The following MEIS2 variants were observed in gnomAD, a reference collection of about 807,000 sequenced individuals.
MEIS2 encodes homeobox protein Meis2.
Under a neutral mutation model 58.6 loss-of-function variants are expected in MEIS2, and 9 were observed. The ratio of observed to expected loss-of-function variants is 0.15; its 90% CI spans 0.09 to 0.27. The LOEUF is 0.27. Ranked by LOEUF, MEIS2 falls within the 10% of genes least tolerant of loss-of-function variation. The pLI is 1.00. For missense variants in MEIS2, 427 were observed against 635.0 expected, an observed-to-expected ratio of 0.67 and a Z score of 3.52; for synonymous variants, 221 against 228.4, an observed-to-expected ratio of 0.97 and a Z score of 0.29.
At chr15:37,041,463 A>G (rs1277634742) in intron 7 of MEIS2, among the ~76,000 whole-genome samples, 1 of 152,180 alleles carries the variant, frequency 6.6e-6, no homozygotes, top group Non-Finnish European at 1.5e-5. Context: ...ATTTACACCT[A>G]TGCTCTCAAG....
chr15:37,098,036 T>A lies in MEIS2; in HGVS notation c.176A>T (p.Asn59Ile). 1 of 1,612,934 alleles carries A rather than the reference T, an allele frequency of 6.2e-7. No homozygotes were observed. Among genetic ancestry groups the A allele is most frequent in the Non-Finnish European group, 8.5e-7 (1 of 1,179,376 alleles). ...QHYGAHAPHPNVMPASMGSAV... is the reference protein window; with the variant it reads ...QHYGAHAPHPIVMPASMGSAV... Reference sequence around the variant, plus strand: ...GGATCCCATACTGGCCGGCATGACATTGGGGTGCGGGGCGTGCGCGCCGTA... The same window carrying A: ...GGATCCCATACTGGCCGGCATGACAATGGGGTGCGGGGCGTGCGCGCCGTA... The change falls in exon 2 of 12, where the codon AAT (asparagine) becomes ATT (isoleucine). Residue 59 changes from asparagine (N) to isoleucine (I), a missense_variant. Transcript: ENST00000561208.
intron 1 of MEIS2, 78 bp downstream of exon 1, chr15:37,099,377 A>G (rs1018525098): frequency 1.4e-5 from 23 of 1,591,412 alleles, no homozygotes; most frequent in Middle Eastern, 3.4e-4. Context: ...AGAAGCGTTG[A>G]AGGGAGAGGA....
intron 6 of MEIS2, 100 bp from the exon 7 acceptor site, chr15:37,083,985 A>G: frequency 1.1e-6 from 1 of 946,834 alleles, no homozygotes; most frequent in Non-Finnish European, 1.7e-6. Flanking sequence ...AAATGTATAC[A>G]TATTAGTATT....
chr15:36,938,608 C>T (rs1042343408), intron 9 of MEIS2, among the ~76,000 whole-genome samples: 1 of 152,210 alleles, frequency 6.6e-6, no homozygotes, highest in Non-Finnish European at 1.5e-5. Flanking sequence ...CTATCATCTA[C>T]CACGACTGGC....
At chr15:36,958,114 G>C (rs2059051809) in intron 8 of MEIS2, among the ~76,000 whole-genome samples, 2 of 152,094 alleles carry the variant, frequency 1.3e-5, no homozygotes, top group South Asian at 4.1e-4. Context: ...TATAATAATA[G>C]CCTCCTATAG....
Position 36,910,310 on chromosome 15 carries a change from C to T in MEIS2, c.978-13624G>A, listed in dbSNP as rs907545943. On this transcript the variant is annotated intron_variant, in intron 9 of 11. Coordinates refer to ENST00000561208, the MANE Select transcript of MEIS2 (RefSeq NM_170675.5). ...GAGGAACTCTAGTCAATAGGTATTT[C>T]CCCAGAATAGGGGCCTAGGTCAAAA... Among the ~76,000 whole-genome samples the T allele has an allele frequency of 2.0e-5, 3 of 152,104 alleles. No homozygotes were observed. The South Asian group carries it at 6.2e-4, about 32-fold the overall frequency.
At position 37,098,414 on chromosome 15, in the gene MEIS2, GA is replaced by G. The variant is rs1433756303; in HGVS notation, c.13-216del. The G allele has an allele frequency of 3.5e-6, 4 of 1,158,842 alleles. No homozygotes were observed. The African/African-American group carries it at 6.3e-5, about 18-fold the overall frequency. 71.8% of individuals were successfully genotyped at this position (1,158,842 alleles called of 1,614,324 possible). ...AGAGAGAGAGAGAGAGAGAGAGAGA[GA>G]GAGAGAGAGAAAATAAAAATAAAAA... On this transcript the variant is annotated intron_variant, in intron 1 of 11. Coordinates refer to ENST00000561208, the MANE Select transcript of MEIS2 (RefSeq NM_170675.5).
At chr15:37,059,058 T>C (rs1888834656) in intron 7 of MEIS2, among the ~76,000 whole-genome samples, 1 of 152,242 alleles carries the variant, frequency 6.6e-6, no homozygotes. Flanking sequence ...CTACATAGTT[T>C]ATGACAAGGT....
intron 7 of MEIS2, among the ~76,000 whole-genome samples, chr15:37,063,445 T>G (rs1312792982): frequency 1.3e-5 from 2 of 152,200 alleles, no homozygotes; most frequent in Admixed American, 1.3e-4. Flanking sequence ...GCCCCACCAC[T>G]TTCTAGATAT....
At chr15:36,913,087 A>G (rs980987857) in intron 9 of MEIS2, among the ~76,000 whole-genome samples, 3 of 152,202 alleles carry the variant, frequency 2.0e-5, no homozygotes, top group Non-Finnish European at 4.4e-5. Context: ...TTTAAATTCT[A>G]AGGCAGAACT....
intron 7 of MEIS2, among the ~76,000 whole-genome samples, chr15:37,065,149 A>G (rs1199445872): frequency 6.6e-6 from 1 of 152,188 alleles, no homozygotes; most frequent in Admixed American, 6.5e-5. Context: ...AAAGTGCATA[A>G]TGTAAATTCT....
chr15:36,955,497 T>C (rs776064071), intron 8 of MEIS2, among the ~76,000 whole-genome samples: 2 of 152,228 alleles, frequency 1.3e-5, no homozygotes, highest in Non-Finnish European at 2.9e-5. Context: ...CTTTGTTACT[T>C]TAAACAAGAC....
intron 7 of MEIS2, among the ~76,000 whole-genome samples, chr15:37,043,896 C>T (rs1440916278): frequency 6.6e-6 from 1 of 152,050 alleles, no homozygotes; most frequent in African/African-American, 2.4e-5. Context: ...CCATGTTGGC[C>T]AGGATGGTCT....
intron 9 of MEIS2, among the ~76,000 whole-genome samples, chr15:36,917,756 A>G (rs529027775): frequency 5.9e-5 from 9 of 152,334 alleles, no homozygotes; most frequent in African/African-American, 2.2e-4. Flanking sequence ...AGGGTCAATG[A>G]CAGAGGGAAG....
chr15:36,991,772 TTTTTTTTTTTC>T (rs2060289820), intron 8 of MEIS2, among the ~76,000 whole-genome samples: 3 of 112,220 alleles, frequency 2.7e-5, no homozygotes, highest in African/African-American at 6.6e-5. Flanking sequence ...GTTAATTTTC[TTTTTTTTTTTC>T]TTTTTTTTTT....
At chr15:36,923,383 A>G (rs1441738536) in intron 9 of MEIS2, among the ~76,000 whole-genome samples, 1 of 151,496 alleles carries the variant, frequency 6.6e-6, no homozygotes, top group African/African-American at 2.4e-5. Context: ...CTAGGAAAAC[A>G]TGGCTTAATG....
chr15:36,942,944 C>T (rs2058426930), intron 9 of MEIS2, among the ~76,000 whole-genome samples: 1 of 152,022 alleles, frequency 6.6e-6, no homozygotes, highest in East Asian at 1.9e-4. Flanking sequence ...AATTTAGGGG[C>T]TTGTTTAAAT....
rs2062330523 is a variant in MEIS2 at position 37,039,648 on chromosome 15, A to T, written c.755-2689T>A. On this transcript the variant is annotated intron_variant, in intron 7 of 11. Coordinates refer to ENST00000561208, the MANE Select transcript of MEIS2 (RefSeq NM_170675.5). ...AAGAAAAAATATAGCTAGATTGAGC[A>T]TCCTTTGATGACTGACTTAAACTGG... Among the ~76,000 whole-genome samples the T allele has an allele frequency of 3.9e-5, 6 of 152,318 alleles. 1 individual carries two copies. The South Asian group carries it at 1.2e-3, about 32-fold the overall frequency.
At chr15:36,926,347 A>T (rs955894238) in intron 9 of MEIS2, among the ~76,000 whole-genome samples, 1 of 152,202 alleles carries the variant, frequency 6.6e-6, no homozygotes, top group African/African-American at 2.4e-5. Flanking sequence ...CTTTTCAAAA[A>T]AACAAGGTTT....
Sources: gnomAD v4.1 joint callset for allele counts (sites outside exome capture counted in the v4.1 genomes callset) on GRCh38, gnomAD v4.1.1 for gene constraint, MANE v1.5 for transcripts, NCBI Gene and HGNC (gene_info 2026-07-23, HGNC 2026-07-21) for gene names.